The following CDC42BPB variants were observed in gnomAD, a reference collection of about 807,000 sequenced individuals.
The protein encoded by CDC42BPB is CDC42 binding protein kinase beta, also known as serine/threonine-protein kinase MRCK beta.
In CDC42BPB, 37 loss-of-function variants were observed where a neutral mutation model predicts 214.9. The ratio of observed to expected loss-of-function variants is 0.17; its 90% CI spans 0.13 to 0.23. CDC42BPB has a LOEUF of 0.23. CDC42BPB is among the 10% of genes least tolerant of loss of function. The pLI is 1.00. For missense variants in CDC42BPB, 1,694 were observed against 2,227.0 expected (o/e 0.76, Z 4.82); for synonymous variants, 931 against 884.0 (o/e 1.05, Z -0.94).
At chr14:102,953,316 C>T (rs527787435) in intron 23 of CDC42BPB, among the ~76,000 whole-genome samples, 3 of 152,338 alleles carry the variant, frequency 2.0e-5, no homozygotes, top group South Asian at 2.1e-4. Context: ...GCAGGGAGGC[C>T]GTGGGGCGGT....
chr14:103,017,517 G>A (rs914180471), intron 1 of CDC42BPB, among the ~76,000 whole-genome samples: 4 of 151,996 alleles, frequency 2.6e-5, no homozygotes, highest in African/African-American at 4.8e-5. Context: ...CAATCAGAGC[G>A]GCCAGCATCA....
At chr14:102,951,271 A>G (rs1022735648) in intron 24 of CDC42BPB, among the ~76,000 whole-genome samples, 10 of 152,230 alleles carry the variant, frequency 6.6e-5, no homozygotes, top group African/African-American at 2.2e-4. Context: ...TGAAATAACA[A>G]AAAACAATGC....
intron 11 of CDC42BPB, 186 bp from the exon 12 acceptor site, chr14:102,974,335 G>C: frequency 1.0e-6 from 1 of 980,312 alleles, no homozygotes; most frequent in Non-Finnish European, 1.2e-6. Flanking sequence ...CATAGGCACA[G>C]CTACCTGCAT....
Position 102,972,084 on chromosome 14 carries a change from G to A in CDC42BPB, c.1719C>T (p.Ala573=). The A allele has an allele frequency of 6.2e-7, 1 of 1,614,236 alleles. No homozygotes were observed. Among genetic ancestry groups the A allele is most frequent in the Non-Finnish European group, 8.5e-7 (1 of 1,180,050 alleles). Residue 573 remains alanine (A), a synonymous_variant, in exon 13 of 37, where the codon GCC becomes GCT. Coordinates refer to ENST00000361246, the MANE Select transcript of CDC42BPB (RefSeq NM_006035.4). The part of the protein sequence containing the change: ...LKDAHQQRKL[A]LQEFSELNER... Reference sequence around the variant, plus strand: ...CGTTCAGCTCCGAGAACTCCTGCAGGGCCAGCTTTCGCTGCTGATGGGCAT... The same window carrying A: ...CGTTCAGCTCCGAGAACTCCTGCAGAGCCAGCTTTCGCTGCTGATGGGCAT...
intron 36 of CDC42BPB, among the ~76,000 whole-genome samples, chr14:102,935,537 C>T (rs1170032826): frequency 2.0e-5 from 3 of 152,102 alleles, no homozygotes; most frequent in Non-Finnish European, 4.4e-5. Flanking sequence ...CGCCTGTAAT[C>T]CCAGCACTTT....
At chr14:103,003,827 T>A in intron 4 of CDC42BPB, 101 bp downstream of exon 4, 2 of 896,466 alleles carry the variant, frequency 2.2e-6, no homozygotes, top group Non-Finnish European at 3.4e-6. Flanking sequence ...ACACATTTTT[T>A]AAATGTCAGT....
At chr14:102,938,006 A>G in intron 36 of CDC42BPB, 98 bp downstream of exon 36, 2 of 1,308,388 alleles carry the variant, frequency 1.5e-6, no homozygotes, top group Non-Finnish European at 2.2e-6. Flanking sequence ...GGTGCTCCAA[A>G]AGGGCTGTGA....
In CDC42BPB at chr14:102,974,131, C is replaced by T. The variant is rs762573744; in HGVS notation, c.1526G>A (p.Arg509Gln). 8.1e-6 allele frequency: 13 copies of T among 1,613,668 alleles called. 1 individual carries two copies. The highest frequency in any genetic ancestry group is 3.3e-5 in the South Asian group (3 of 90,960). Reference protein sequence around the residue: ...NKIADSNRLERQLEDTVALRQ... With the variant: ...NKIADSNRLEQQLEDTVALRQ... ...AAGCGCCACTGTGTCCTCAAGCTGT[C>T]GCTCGAGCCTGTTTGAATCTGGACA... Residue 509 changes from arginine to glutamine, a missense_variant, in exon 12 of 37, where the codon CGA becomes CAA. Arg to Gln is a conservative substitution (Grantham distance 43, BLOSUM62 1). Around this residue, in one of 7 missense-constraint regions of CDC42BPB, gnomAD observed 462 missense variants for 513.5 expected, o/e 0.90. Transcript: ENST00000361246.
At chr14:103,013,426 T>G (rs1330624293) in intron 1 of CDC42BPB, among the ~76,000 whole-genome samples, 2 of 152,238 alleles carry the variant, frequency 1.3e-5, no homozygotes, top group Admixed American at 6.5e-5. Context: ...ACTTCACAGA[T>G]GAGAAAACTC....
Position 102,967,075 on chromosome 14 carries a change from C to G in CDC42BPB, c.2442G>C (p.Trp814Cys), listed in dbSNP as rs1386376247. Reference protein sequence around the residue: ...LAAKKESVAHWEAQIAEIIQW... With the variant: ...LAAKKESVAHCEAQIAEIIQW... ...GAATGATTTCCGCAATCTGAGCTTC[C>G]CAGTGGGCCACTGACTCCTTCTTGG... The change falls in exon 17 of 37, where the codon TGG becomes TGC. Residue 814 changes from tryptophan to cysteine, a missense_variant. This residue lies in a region of CDC42BPB where 462 missense variants were observed against 513.5 expected (regional missense o/e 0.90). Coordinates refer to ENST00000361246, the MANE Select transcript of CDC42BPB (RefSeq NM_006035.4). The G allele has an allele frequency of 6.2e-7, 1 of 1,614,198 alleles. No individual in the cohort carries two copies.
chr14:102,974,021 G>A lies in CDC42BPB; in HGVS notation c.1636C>T (p.His546Tyr), dbSNP rs752576729. Residue 546 changes from histidine to tyrosine, a missense_variant, in exon 12 of 37, where the codon CAC becomes TAC. Physicochemically the swap from His to Tyr is moderately conservative, Grantham distance 83. Coordinates refer to ENST00000361246, the MANE Select transcript of CDC42BPB (RefSeq NM_006035.4). ...RVVRQEKEEL[H>Y]KQLVEASERL... ...CCCCAAACTGAGCCACCTACCTTGT[G>A]CAGCTCCTCCTTCTCCTGCCGGACC... The A allele has an allele frequency of 9.3e-6, 15 of 1,608,128 alleles. No individual in the cohort carries two copies. The highest frequency in any genetic ancestry group is 1.2e-5 in the Non-Finnish European group (14 of 1,177,858).
In CDC42BPB at chr14:103,001,870, A is replaced by C. The variant is rs1895001223; in HGVS notation, c.447+2058T>G. Among the ~76,000 whole-genome samples, 1 of 152,264 alleles carries C rather than the reference A, an allele frequency of 6.6e-6. No homozygotes were observed. Among genetic ancestry groups the C allele is most frequent in the Admixed American group, 6.5e-5 (1 of 15,302 alleles). On this transcript the variant is annotated intron_variant, in intron 4 of 36. Transcript: ENST00000361246. The surrounding 1 kb of genome is among the most constrained non-coding windows in gnomAD (Gnocchi z 5.8). The stretch of plus-strand genomic sequence containing the variant: ...AAGAGGAGGAGCTTCCTACAGCAGC[A>C]CTGGGTCTGATCAACGGTCTCCTGG...
intron 1 of CDC42BPB, among the ~76,000 whole-genome samples, chr14:103,037,932 G>A (rs1447960319): frequency 6.6e-6 from 1 of 152,042 alleles, no homozygotes; most frequent in Non-Finnish European, 1.5e-5. Flanking sequence ...GGGAGGCTGA[G>A]GCAGGAGAAT....
chr14:103,004,229 G>A lies in CDC42BPB; in HGVS notation c.352-206C>T. Reference sequence around the variant, plus strand: ...CCCAAGCCCCGTGCAAGTGCCAAGGGCTGCTGAGGAGGCACTTGCACCCTG... The same window carrying A: ...CCCAAGCCCCGTGCAAGTGCCAAGGACTGCTGAGGAGGCACTTGCACCCTG... On this transcript the variant is annotated intron_variant, in intron 3 of 36. Coordinates refer to ENST00000361246, the MANE Select transcript of CDC42BPB (RefSeq NM_006035.4). This position sits in a 1 kb window ranked among gnomAD's most constrained non-coding sequence, Gnocchi z 5.3. 7.8e-7 allele frequency: 1 copy of A among 1,288,188 alleles called. No individual in the cohort carries two copies. The highest frequency in any genetic ancestry group is 9.9e-7 in the Non-Finnish European group (1 of 1,008,814). The allele number at this position is 1,288,188 out of a possible 1,614,324, so 79.8% of individuals were successfully genotyped here.
intron 1 of CDC42BPB, among the ~76,000 whole-genome samples, chr14:103,053,664 A>AG (rs1359911381): frequency 6.8e-6 from 1 of 147,972 alleles, no homozygotes; most frequent in Non-Finnish European, 1.5e-5. Flanking sequence ...CAGGAGGCTG[A>AG]GGCAGGAGAA....
Position 102,946,695 on chromosome 14 carries a change from G to A in CDC42BPB, c.3532-11C>T. The A allele has an allele frequency of 6.2e-7, 1 of 1,612,224 alleles. No homozygotes were observed. Among genetic ancestry groups the A allele is most frequent in the Non-Finnish European group, 8.5e-7 (1 of 1,179,700 alleles). On this transcript the variant is annotated splice_polypyrimidine_tract_variant and intron_variant, in intron 27 of 36. Coordinates refer to ENST00000361246, the MANE Select transcript of CDC42BPB (RefSeq NM_006035.4). The stretch of plus-strand genomic sequence containing the variant: ...GAGAGAGGCCGTCACCTTCATGACA[G>A]GAAACAGAAGAGAAGAGAGAAGTCA...
Position 103,057,175 on chromosome 14 carries a change from G to A in CDC42BPB, c.-2C>T. ...CTTGAGCCGCACCTTGGCCGACATG[G>A]TGCCGCGCGGCCCGCTCCCGACGCG... On this transcript the variant is annotated 5_prime_UTR_variant, in exon 1 of 37. Transcript: ENST00000361246. 7.0e-7 allele frequency: 1 copy of A among 1,427,002 alleles called. No homozygotes were observed. Among genetic ancestry groups the A allele is most frequent in the Non-Finnish European group, 9.2e-7 (1 of 1,087,432 alleles). The allele number at this position is 1,427,002 out of a possible 1,614,324, so 88.4% of individuals were successfully genotyped here.
At position 103,004,032 on chromosome 14, in the gene CDC42BPB, C is replaced by T; in HGVS notation, c.352-9G>A. On this transcript the variant is annotated splice_polypyrimidine_tract_variant and intron_variant, in intron 3 of 36. Transcript: ENST00000361246. This position sits in a 1 kb window ranked among gnomAD's most constrained non-coding sequence, Gnocchi z 5.3. ...TCTCGGAAGCACGCGGTCTGCAAAG[C>T]AACGAGGGGTGTCAGTCTGTGTTCA... The T allele has an allele frequency of 6.3e-7, 1 of 1,593,140 alleles. No individual in the cohort carries two copies.
intron 25 of CDC42BPB, chr14:102,950,153 G>A (rs905939679): frequency 3.2e-6 from 3 of 949,946 alleles, no homozygotes; most frequent in Non-Finnish European, 3.8e-6. Context: ...TGTGGTACAC[G>A]CAGCCCGACA....
Sources: allele counts gnomAD v4.1 joint callset (sites outside exome capture counted in the v4.1 genomes callset), GRCh38; gene constraint gnomAD v4.1.1; regional missense constraint gnomAD v4.1.1; non-coding constraint Gnocchi (gnomAD v3.1); transcripts MANE v1.5; gene names NCBI Gene and HGNC (gene_info 2026-07-23, HGNC 2026-07-21).